Variants in CTNNA3 observed in about 807,000 individuals in gnomAD.
CTNNA3 encodes the protein catenin alpha-3.
A neutral mutation model predicts 95.7 loss-of-function variants in CTNNA3; 76 were observed. That is an observed-to-expected ratio of 0.79 (90% confidence interval 0.66 to 0.96). CTNNA3 has a LOEUF of 0.96. Ranked by LOEUF, CTNNA3 falls within the 40% of genes least tolerant of loss-of-function variation. CTNNA3 has a pLI of 0.00. For synonymous variants in CTNNA3, 431 were observed against 374.4 expected (o/e 1.15, Z -1.74); for missense variants, 1,191 against 1,089.8 (o/e 1.09, Z -1.31).
At chr10:66,169,416 G>T (rs1260070190) in intron 13 of CTNNA3, among the ~76,000 whole-genome samples, 1 of 151,956 alleles carries the variant, frequency 6.6e-6, no homozygotes, top group Non-Finnish European at 1.5e-5. Context: ...TTATCCACTC[G>T]TTGGTTGATG....
At chr10:67,091,472 C>T (rs12268452) in intron 7 of CTNNA3, among the ~76,000 whole-genome samples, 6 of 151,768 alleles carry the variant, frequency 4.0e-5, no homozygotes, top group Non-Finnish European at 8.8e-5. Context: ...AAGAATAATG[C>T]TTCAGACATG....
intron 11 of CTNNA3, among the ~76,000 whole-genome samples, chr10:66,413,144 T>G (rs1208966840): frequency 6.6e-6 from 1 of 152,172 alleles, no homozygotes; most frequent in Non-Finnish European, 1.5e-5. Context: ...TACAGTTTTA[T>G]GTAGTTAGCA....
chr10:66,352,298 G>T lies in CTNNA3; in HGVS notation c.1732+26854C>A, dbSNP rs757440862. On this transcript the variant is annotated intron_variant, in intron 12 of 17. Coordinates refer to ENST00000433211, the MANE Select transcript of CTNNA3 (RefSeq NM_013266.4). ...TTTCATAAATTGATTTTCAGGCAGA[G>T]CCTCTTTAGTGGGGAAGGAACATAC... Among the ~76,000 whole-genome samples the T allele has an allele frequency of 1.3e-5, 2 of 152,082 alleles. 1 individual carries two copies. The highest frequency in any genetic ancestry group is 2.9e-5 in the Non-Finnish European group (2 of 67,980).
At chr10:65,927,736 A>G (rs2077188961) in intron 17 of CTNNA3, among the ~76,000 whole-genome samples, 1 of 152,190 alleles carries the variant, frequency 6.6e-6, no homozygotes, top group African/African-American at 2.4e-5. Context: ...TTCATTTGCT[A>G]TAATAAATAA....
chr10:67,018,035 G>A (rs1852770832), intron 7 of CTNNA3, among the ~76,000 whole-genome samples: 1 of 152,100 alleles, frequency 6.6e-6, no homozygotes, highest in Non-Finnish European at 1.5e-5. Flanking sequence ...GCCTCCCAAT[G>A]TGCTGGGATT....
At chr10:67,571,882 A>G (rs1442025510) in intron 3 of CTNNA3, among the ~76,000 whole-genome samples, 2 of 152,308 alleles carry the variant, frequency 1.3e-5, no homozygotes, top group South Asian at 2.1e-4. Context: ...TTAAAAACCA[A>G]TACTTCATTC....
chr10:67,604,498 A>G lies in CTNNA3; in HGVS notation c.292+2359T>C, dbSNP rs548024835. 6.6e-4 allele frequency among the ~76,000 whole-genome samples: 100 copies of G among 152,320 alleles called. 1 individual carries two copies. Among genetic ancestry groups the G allele is most frequent in the Non-Finnish European group, 1.2e-3 (82 of 68,022 alleles). ...GCATATTTTCATTTTTAAAAGATCT[A>G]TTTGATTTTACTATGGAGGAAGGCT... is the stretch of plus-strand genomic sequence containing the variant. On this transcript the variant is annotated intron_variant, in intron 3 of 17. Coordinates refer to ENST00000433211, the MANE Select transcript of CTNNA3 (RefSeq NM_013266.4).
chr10:66,730,410 T>C (rs746996492), intron 9 of CTNNA3, among the ~76,000 whole-genome samples: 2 of 152,090 alleles, frequency 1.3e-5, no homozygotes, highest in South Asian at 2.1e-4. Context: ...TGAGAACACA[T>C]GGACACATTG....
intron 7 of CTNNA3, among the ~76,000 whole-genome samples, chr10:66,852,251 T>A (rs1843525477): frequency 6.6e-6 from 1 of 152,158 alleles, no homozygotes; most frequent in Admixed American, 6.6e-5. Context: ...TGAAATTCAA[T>A]GGCTGACATG....
intron 12 of CTNNA3, among the ~76,000 whole-genome samples, chr10:66,376,947 T>A (rs775419891): frequency 1.3e-5 from 2 of 152,176 alleles, no homozygotes; most frequent in Admixed American, 6.5e-5. Context: ...TAGTGGGAAG[T>A]ATCTTTCATA....
chr10:66,160,701 T>C (rs534641698), intron 13 of CTNNA3, among the ~76,000 whole-genome samples: 31 of 152,296 alleles, frequency 2.0e-4, no homozygotes, highest in South Asian at 6.2e-4. Context: ...AAGTCATTTG[T>C]TCCAAGGTAT....
intron 8 of CTNNA3, among the ~76,000 whole-genome samples, chr10:66,770,733 T>C (rs147734564): frequency 6.6e-6 from 1 of 151,998 alleles, no homozygotes; most frequent in African/African-American, 2.4e-5. Flanking sequence ...GAAATTGTGA[T>C]GGGAAGGGGA....
chr10:67,669,186 C>A (rs1840386667), intron 1 of CTNNA3, among the ~76,000 whole-genome samples: 1 of 152,114 alleles, frequency 6.6e-6, no homozygotes, highest in Non-Finnish European at 1.5e-5. Flanking sequence ...AATATTCACA[C>A]CAATTGACAG....
At chr10:66,874,802 T>C (rs573948492) in intron 7 of CTNNA3, among the ~76,000 whole-genome samples, 1 of 152,312 alleles carries the variant, frequency 6.6e-6, no homozygotes, top group South Asian at 2.1e-4. Flanking sequence ...AATTACACAT[T>C]TCTTTACCTG....
intron 7 of CTNNA3, among the ~76,000 whole-genome samples, chr10:66,812,050 T>C (rs1457252975): frequency 1.3e-5 from 2 of 152,146 alleles, no homozygotes; most frequent in Non-Finnish European, 2.9e-5. Context: ...TCTAGTTTTA[T>C]GTCCCAGGTG....
chr10:66,298,891 A>T (rs2091821539), intron 12 of CTNNA3, among the ~76,000 whole-genome samples: 1 of 152,168 alleles, frequency 6.6e-6, no homozygotes, highest in Admixed American at 6.5e-5. Context: ...GGAGCCCCCA[A>T]ATCACTAATC....
intron 3 of CTNNA3, among the ~76,000 whole-genome samples, chr10:67,592,617 G>T (rs181665599): frequency 3.7e-4 from 57 of 152,080 alleles, no homozygotes; most frequent in African/African-American, 1.3e-3. Flanking sequence ...AGAGGCAAAA[G>T]AATAACCTCT....
chr10:66,557,909 A>G (rs1187323056), intron 10 of CTNNA3, among the ~76,000 whole-genome samples: 1 of 151,982 alleles, frequency 6.6e-6, no homozygotes, highest in Admixed American at 6.6e-5. Flanking sequence ...ATTTCTGGTG[A>G]TTAAATTCTT....
chr10:66,577,269 A>G (rs2931268), intron 10 of CTNNA3, among the ~76,000 whole-genome samples: 145,243 of 151,984 alleles, frequency 0.96, 69,819 homozygotes, highest in Non-Finnish European at 0.99. Flanking sequence ...TCTCCCATTC[A>G]GAAGGTTGTC....
Sources: gnomAD v4.1 joint callset for allele counts (sites outside exome capture counted in the v4.1 genomes callset) on GRCh38, gnomAD v4.1.1 for gene constraint, MANE v1.5 for transcripts, NCBI Gene and HGNC (gene_info 2026-07-23, HGNC 2026-07-21) for gene names.